The following GTF3C6 variants were observed in gnomAD, a reference collection of about 807,000 sequenced individuals.
GTF3C6 encodes the protein general transcription factor IIIC subunit 6.
Under a neutral mutation model 19.2 loss-of-function variants are expected in GTF3C6, and 11 were observed. The observed-to-expected ratio is 0.57, with a 90% CI of 0.36 to 0.95. The LOEUF is 0.95. Among genes scored for constraint, GTF3C6 ranks in the 40% least tolerant of loss-of-function variants. GTF3C6 has a pLI of 0.01. For synonymous variants in GTF3C6, 87 were observed against 84.2 expected (o/e 1.03, Z -0.18); for missense variants, 222 against 254.7 (o/e 0.87, Z 0.87).
intron 4 of GTF3C6, among the ~76,000 whole-genome samples, chr6:110,960,871 C>T (rs954974073): frequency 4.6e-5 from 7 of 151,852 alleles, no homozygotes; most frequent in Admixed American, 1.3e-4. Flanking sequence ...GCCAACATGG[C>T]AAAACCTCAT....
At chr6:110,967,389 G>A in intron 5 of GTF3C6, 121 bp from the exon 6 acceptor site, 1 of 861,978 alleles carries the variant, frequency 1.2e-6, no homozygotes, top group Non-Finnish European at 1.8e-6. Flanking sequence ...ATATTCCTTG[G>A]TTTATGTTAG....
At chr6:110,961,732 T>C (rs904496619) in intron 4 of GTF3C6, among the ~76,000 whole-genome samples, 9 of 152,190 alleles carry the variant, frequency 5.9e-5, no homozygotes, top group Admixed American at 5.9e-4. Context: ...TTAATTTGAT[T>C]GGTAGAATTT....
chr6:110,966,073 C>T (rs574121300), intron 5 of GTF3C6, among the ~76,000 whole-genome samples: 1 of 152,304 alleles, frequency 6.6e-6, no homozygotes, highest in Admixed American at 6.5e-5. Flanking sequence ...GTCCTCCTCA[C>T]AAGACTGTTT....
chr6:110,962,537 T>C, intron 5 of GTF3C6, 32 bp downstream of exon 5: 1 of 1,148,608 alleles, frequency 8.7e-7, no homozygotes, highest in Non-Finnish European at 1.3e-6. Flanking sequence ...AAACAGGTGA[T>C]CCAGTACTGG....
In GTF3C6 at chr6:110,958,746, T is replaced by C; in HGVS notation, c.-24T>C. ...GCTCCGGGCGGGCGTGGCCAGTGACTAGAAGGCGAGGCGCCGCGGGACCAT... is the reference window on the plus strand; with the variant it reads ...GCTCCGGGCGGGCGTGGCCAGTGACCAGAAGGCGAGGCGCCGCGGGACCAT... On this transcript the variant is annotated 5_prime_UTR_variant, in exon 1 of 6. Coordinates refer to ENST00000329970, the MANE Select transcript of GTF3C6 (RefSeq NM_138408.4). 1.3e-6 allele frequency: 2 copies of C among 1,550,264 alleles called. No individual in the cohort carries two copies. The highest frequency in any genetic ancestry group is 1.7e-6 in the Non-Finnish European group (2 of 1,146,846).
intron 4 of GTF3C6, 131 bp downstream of exon 4, chr6:110,960,747 TAGTTAAAAAAAAAAA>T (rs761770329): frequency 3.1e-5 from 25 of 800,092 alleles, no homozygotes; most frequent in Non-Finnish European, 3.6e-5. Flanking sequence ...ACTCAGATTA[TAGTTAAAAAAAAAAA>T]ATGCCAGGCT....
In GTF3C6 at chr6:110,967,607, A is replaced by G. The variant is rs760182824; in HGVS notation, c.459A>G (p.Val153=). The G allele has an allele frequency of 6.2e-7, 1 of 1,614,092 alleles. No individual in the cohort carries two copies. The highest frequency in any genetic ancestry group is 1.1e-5 in the South Asian group (1 of 91,076). ...FLHENEDEEV[V]ASAPDKSLEL... ...ATGAAAATGAAGACGAAGAAGTGGT[A>G]GCTTCAGCCCCAGATAAATCTTTGG... Residue 153 remains valine (V), a synonymous_variant, in exon 6 of 6, where the codon GTA becomes GTG. Transcript: ENST00000329970.
Position 110,959,219 on chromosome 6 carries a change from C to T in GTF3C6, c.105C>T (p.Phe35=), listed in dbSNP as rs1341708677. 4 of 1,612,638 alleles carry T rather than the reference C, an allele frequency of 2.5e-6. No individual in the cohort carries two copies. Among genetic ancestry groups the T allele is most frequent in the East Asian group, 2.2e-5 (1 of 44,858 alleles). ...TATCAGGAATTATTGATTCAGACTT[C>T]CTCTCAAAATGTGAAAATAAATGCA... ...VELSGIIDSD[F]LSKCENKCKV... Residue 35 remains phenylalanine, a synonymous_variant, in exon 2 of 6, where the codon TTC becomes TTT. Coordinates refer to ENST00000329970, the MANE Select transcript of GTF3C6 (RefSeq NM_138408.4).
intron 5 of GTF3C6, among the ~76,000 whole-genome samples, chr6:110,967,045 C>T (rs968985581): frequency 1.3e-5 from 2 of 151,832 alleles, no homozygotes; most frequent in African/African-American, 4.8e-5. Context: ...CCCAGCTACT[C>T]GGGGGGCTGA....
chr6:110,960,032 A>G (rs1223089521), intron 2 of GTF3C6, among the ~76,000 whole-genome samples: 3 of 151,734 alleles, frequency 2.0e-5, no homozygotes, highest in Admixed American at 2.0e-4. Context: ...CCTGCTGCTC[A>G]GGAGGCTGAG....
intron 2 of GTF3C6, among the ~76,000 whole-genome samples, chr6:110,959,687 C>G (rs1029531808): frequency 1.3e-5 from 2 of 151,980 alleles, no homozygotes; most frequent in African/African-American, 2.4e-5. Context: ...AATGGCCAGG[C>G]GCGGTGGCTC....
At chr6:110,960,841 A>G (rs1322305559) in intron 4 of GTF3C6, among the ~76,000 whole-genome samples, 2 of 152,062 alleles carry the variant, frequency 1.3e-5, no homozygotes, top group Non-Finnish European at 2.9e-5. Context: ...ACTTGAGGCC[A>G]GGAGTTCGAG....
In GTF3C6 at chr6:110,960,699, G is replaced by A. The variant is rs139799168; in HGVS notation, c.247+83G>A. On this transcript the variant is annotated intron_variant, in intron 4 of 5. Coordinates refer to ENST00000329970, the MANE Select transcript of GTF3C6 (RefSeq NM_138408.4). The stretch of plus-strand genomic sequence containing the variant: ...ATAATAAATATCTCATGTATCCACT[G>A]TCTAGCTGTATCATATCCTATCATT... 1.9e-4 allele frequency: 195 copies of A among 1,024,776 alleles called. 1 individual carries two copies. The African/African-American group carries it at 2.9e-3, about 15-fold the overall frequency. The allele number at this position is 1,024,776 out of a possible 1,614,324, so 63.5% of individuals were successfully genotyped here. A position where few individuals can be genotyped will look rare whatever the true frequency, so the allele number is the denominator to read the frequency against.
Position 110,958,746 on chromosome 6 carries a change from T to A in GTF3C6, c.-24T>A. On this transcript the variant is annotated 5_prime_UTR_variant, in exon 1 of 6. Coordinates refer to ENST00000329970, the MANE Select transcript of GTF3C6 (RefSeq NM_138408.4). ...GCTCCGGGCGGGCGTGGCCAGTGAC[T>A]AGAAGGCGAGGCGCCGCGGGACCAT... 6.5e-7 allele frequency: 1 copy of A among 1,550,264 alleles called. No homozygotes were observed. The highest frequency in any genetic ancestry group is 1.2e-5 in the South Asian group (1 of 84,004).
Position 110,962,419 on chromosome 6 carries a change from T to C in GTF3C6, c.275T>C (p.Val92Ala). 9 of 1,604,556 alleles carry C rather than the reference T, an allele frequency of 5.6e-6. No homozygotes were observed. Among genetic ancestry groups the C allele is most frequent in the Non-Finnish European group, 7.7e-6 (9 of 1,171,378 alleles). The change falls in exon 5 of 6, where the codon GTG becomes GCG. Residue 92 changes from valine (V) to alanine (A), a missense_variant. Transcript: ENST00000329970. ...GATACAGAAGGCAATAATAAAACAG[T>C]GCTAAAATATAAATGCCATACAATG... Reference protein sequence around the residue: ...HADTEGNNKTVLKYKCHTMKK... With the variant: ...HADTEGNNKTALKYKCHTMKK...
At chr6:110,959,431 G>C (rs893105151) in intron 2 of GTF3C6, among the ~76,000 whole-genome samples, 179 bp downstream of exon 2, 10 of 152,150 alleles carry the variant, frequency 6.6e-5, no homozygotes, top group African/African-American at 2.4e-4. Flanking sequence ...GTATAATGTA[G>C]AAGTACAGCG....
chr6:110,962,064 A>T (rs563970626), intron 4 of GTF3C6, among the ~76,000 whole-genome samples: 5 of 151,980 alleles, frequency 3.3e-5, no homozygotes, highest in Non-Finnish European at 7.4e-5. Context: ...CACCATGCCC[A>T]GCGAATTTTT....
intron 4 of GTF3C6, among the ~76,000 whole-genome samples, chr6:110,962,043 C>T (rs1771167662): frequency 6.6e-6 from 1 of 152,102 alleles, no homozygotes; most frequent in Non-Finnish European, 1.5e-5. Flanking sequence ...GCTGGGATTA[C>T]AGGCGTGTGC....
intron 1 of GTF3C6, 97 bp downstream of exon 1, chr6:110,958,923 G>A (rs1771121389): frequency 7.4e-7 from 1 of 1,344,730 alleles, no homozygotes; most frequent in South Asian, 1.3e-5. Flanking sequence ...GGGCCGGAGG[G>A]AGGCCCCACT....
Sources: allele counts gnomAD v4.1 joint callset (sites outside exome capture counted in the v4.1 genomes callset), GRCh38; gene constraint gnomAD v4.1.1; transcripts MANE v1.5; gene names NCBI Gene and HGNC (gene_info 2026-07-23, HGNC 2026-07-21).